Variants in RBFOX1 observed in about 807,000 individuals in gnomAD.
The protein encoded by RBFOX1 is RNA binding protein fox-1 homolog 1.
RBFOX1 carries 8 observed loss-of-function variants against 57.7 expected under a neutral mutation model. That is an observed-to-expected ratio of 0.14 (90% CI 0.08 to 0.25). The LOEUF (loss-of-function observed/expected upper bound fraction) is 0.25, where lower values mean the gene tolerates loss of function less well. RBFOX1 is among the 10% of genes least tolerant of loss of function. The pLI, the probability that RBFOX1 is intolerant of heterozygous loss-of-function variation, is 1.00. For synonymous variants in RBFOX1, 326 were observed against 222.4 expected, an observed-to-expected ratio of 1.47 and a Z score of -4.15; for missense variants, 611 against 548.5, an observed-to-expected ratio of 1.11 and a Z score of -1.14.
intron 2 of RBFOX1, among the ~76,000 whole-genome samples, chr16:5,569,088 G>A (rs985218908): frequency 2.6e-5 from 4 of 151,066 alleles, no homozygotes; most frequent in Non-Finnish European, 5.9e-5. Context: ...CTGACCTCAT[G>A]ATCCGCCCGC....
At chr16:5,659,950 G>A (rs1345086753) in intron 3 of RBFOX1, among the ~76,000 whole-genome samples, 1 of 152,156 alleles carries the variant, frequency 6.6e-6, no homozygotes, top group African/African-American at 2.4e-5. Context: ...TAATACAGAA[G>A]CATCAATTGA....
At chr16:6,764,015 A>G (rs555539556) in intron 3 of RBFOX1, among the ~76,000 whole-genome samples, 2 of 152,182 alleles carry the variant, frequency 1.3e-5, no homozygotes, top group Non-Finnish European at 2.9e-5. Flanking sequence ...CAGGATGTTA[A>G]TGCTGTCTGC....
rs190999396 is a variant in RBFOX1 at position 7,308,910 on chromosome 16, C to T, written c.28-209237C>T. Among the ~76,000 whole-genome samples, 5 of 152,312 alleles carry T rather than the reference C, an allele frequency of 3.3e-5. No individual in the cohort carries two copies. In the East Asian group the frequency reaches 9.7e-4, roughly 29 times the overall value. ...AGTTACTTACCTTGTGTTACTCCAT[C>T]TGATGATTTATAGGGGGCCAAATGG... On this transcript the variant is annotated intron_variant, in intron 4 of 15. Transcript: ENST00000550418.
chr16:6,018,323 GA>G (rs1387018215), upstream of RBFOX1, among the ~76,000 whole-genome samples: 1 of 152,204 alleles, frequency 6.6e-6, no homozygotes, highest in East Asian at 1.9e-4. Flanking sequence ...AAGCATCTGT[GA>G]AATGGATAAA....
chr16:7,287,873 A>G (rs1277164971), intron 4 of RBFOX1, among the ~76,000 whole-genome samples: 1 of 152,096 alleles, frequency 6.6e-6, no homozygotes, highest in Admixed American at 6.5e-5. Context: ...TTTCGTGTGC[A>G]TTTTTCTGCT....
intron 1 of RBFOX1, among the ~76,000 whole-genome samples, chr16:6,074,425 C>T (rs1400502679): frequency 1.3e-5 from 2 of 152,194 alleles, no homozygotes; most frequent in African/African-American, 2.4e-5. Context: ...CATGATCCAT[C>T]CCTGAACCAA....
intron 3 of RBFOX1, among the ~76,000 whole-genome samples, chr16:6,847,102 C>T (rs1343914414): frequency 1.3e-5 from 2 of 152,144 alleles, no homozygotes; most frequent in Non-Finnish European, 2.9e-5. Flanking sequence ...CTTTATCTTG[C>T]CTCAGTCAAC....
intron 3 of RBFOX1, among the ~76,000 whole-genome samples, chr16:6,789,961 C>G (rs979214351): frequency 2.0e-5 from 3 of 151,552 alleles, no homozygotes; most frequent in African/African-American, 7.3e-5. Context: ...GATTTCTGGT[C>G]TTCCGTAACT....
At chr16:7,662,547 C>T (rs780889655) in intron 12 of RBFOX1, among the ~76,000 whole-genome samples, 1 of 152,134 alleles carries the variant, frequency 6.6e-6, no homozygotes, top group Non-Finnish European at 1.5e-5. Context: ...AGCAGTGTGT[C>T]AGGAACTGAG....
chr16:6,383,253 A>G (rs1412287248), intron 2 of RBFOX1, among the ~76,000 whole-genome samples: 1 of 152,220 alleles, frequency 6.6e-6, no homozygotes, highest in Non-Finnish European at 1.5e-5. Context: ...GAGTGACATT[A>G]TTGCTGTTGT....
chr16:7,172,897 A>G (rs771356756), intron 4 of RBFOX1, among the ~76,000 whole-genome samples: 1 of 152,190 alleles, frequency 6.6e-6, no homozygotes, highest in Non-Finnish European at 1.5e-5. Flanking sequence ...CTGCCATGAG[A>G]TTCCCAAGGA....
At chr16:7,050,567 T>G (rs925081861) in intron 3 of RBFOX1, among the ~76,000 whole-genome samples, 2 of 152,114 alleles carry the variant, frequency 1.3e-5, no homozygotes, top group Non-Finnish European at 2.9e-5. Flanking sequence ...TGCCTGGCCT[T>G]CCTTCATTTT....
intron 3 of RBFOX1, among the ~76,000 whole-genome samples, chr16:5,719,478 G>A (rs2051847779): frequency 1.3e-5 from 2 of 151,728 alleles, no homozygotes; most frequent in South Asian, 2.1e-4. Context: ...CCAAAGTGCT[G>A]GGATTGCAGG....
chr16:6,586,228 C>T (rs1260497688), intron 2 of RBFOX1, among the ~76,000 whole-genome samples: 1 of 152,186 alleles, frequency 6.6e-6, no homozygotes, highest in Non-Finnish European at 1.5e-5. Context: ...CCAATTTGCT[C>T]AGATAGGTAG....
intron 2 of RBFOX1, among the ~76,000 whole-genome samples, chr16:6,465,024 C>T (rs1198255683): frequency 6.6e-6 from 1 of 152,194 alleles, no homozygotes; most frequent in Non-Finnish European, 1.5e-5. Context: ...CACAGTTTCT[C>T]ATATCTAGCC....
At chr16:6,220,199 T>G (rs1168010129) in intron 1 of RBFOX1, among the ~76,000 whole-genome samples, 7 of 152,224 alleles carry the variant, frequency 4.6e-5, no homozygotes, top group Admixed American at 1.3e-4. Context: ...TGTGGGTGTG[T>G]GTATATGTAT....
At chr16:5,305,251 C>T (rs554464617) in intron 1 of RBFOX1, among the ~76,000 whole-genome samples, 4 of 152,234 alleles carry the variant, frequency 2.6e-5, no homozygotes, top group South Asian at 2.1e-4. Flanking sequence ...AGCTGGGGCT[C>T]ATGTTAAAGA....
At chr16:6,984,372 C>G (rs1010827424) in intron 3 of RBFOX1, among the ~76,000 whole-genome samples, 2 of 152,156 alleles carry the variant, frequency 1.3e-5, no homozygotes, top group Admixed American at 6.5e-5. Flanking sequence ...ATGAAAAAGC[C>G]TACATCCTAC....
In RBFOX1 at chr16:6,966,105, T is replaced by C. The variant is rs373535912; in HGVS notation, c.-15-85952T>C. 7.9e-5 allele frequency among the ~76,000 whole-genome samples: 12 copies of C among 152,138 alleles called. No homozygotes were observed. In the East Asian group the frequency reaches 1.5e-3, roughly 20 times the overall value. On this transcript the variant is annotated intron_variant, in intron 3 of 15. Transcript: ENST00000550418. ...TACTCTATCACGGGGTTCTCAACCATAGACTGGGGGCCTAAAAAGCACATA... is the reference window on the plus strand; with the variant it reads ...TACTCTATCACGGGGTTCTCAACCACAGACTGGGGGCCTAAAAAGCACATA...
Sources: allele counts gnomAD v4.1 joint callset (sites outside exome capture counted in the v4.1 genomes callset), GRCh38; gene constraint gnomAD v4.1.1; transcripts MANE v1.5; gene names NCBI Gene and HGNC (gene_info 2026-07-23, HGNC 2026-07-21).